Variants in GABRB1 observed in about 807,000 individuals in gnomAD.
The protein encoded by GABRB1 is gamma-aminobutyric acid type A receptor subunit beta1.
A neutral mutation model predicts 51.6 loss-of-function variants in GABRB1; 17 were observed. The observed-to-expected ratio is 0.33, with a 90% CI of 0.23 to 0.49. The LOEUF (loss-of-function observed/expected upper bound fraction) is 0.49, where lower values mean the gene tolerates loss of function less well. GABRB1 is among the 20% of genes least tolerant of loss of function. GABRB1 has a pLI of 0.99. For synonymous variants in GABRB1, 247 were observed against 218.9 expected (o/e 1.13, Z -1.14); for missense variants, 410 against 600.6 (o/e 0.68, Z 3.32).
At chr4:47,019,186 C>T (rs1024192935) in intron 1 of GABRB1, among the ~76,000 whole-genome samples, 5 of 152,040 alleles carry the variant, frequency 3.3e-5, no homozygotes, top group Non-Finnish European at 7.4e-5. Flanking sequence ...ATTGGTTAAT[C>T]TATCAACAAT....
chr4:47,157,778 T>C (rs1232059623), intron 3 of GABRB1, among the ~76,000 whole-genome samples: 1 of 152,104 alleles, frequency 6.6e-6, no homozygotes, highest in African/African-American at 2.4e-5. Context: ...AAAAAGGTTT[T>C]ATTAAGGTTA....
At chr4:47,105,563 C>T (rs1577912659) in intron 3 of GABRB1, among the ~76,000 whole-genome samples, 1 of 152,098 alleles carries the variant, frequency 6.6e-6, no homozygotes, top group Non-Finnish European at 1.5e-5. Context: ...CCTTGACAAC[C>T]AGTGGAGATG....
intron 4 of GABRB1, among the ~76,000 whole-genome samples, chr4:47,272,707 C>T (rs973986445): frequency 3.3e-5 from 5 of 152,148 alleles, no homozygotes; most frequent in African/African-American, 1.2e-4. Flanking sequence ...CTTACAAACA[C>T]TATCCCACTA....
intron 4 of GABRB1, among the ~76,000 whole-genome samples, chr4:47,271,996 T>C (rs1722891417): frequency 2.8e-5 from 1 of 35,648 alleles, no homozygotes; most frequent in Non-Finnish European, 5.3e-5. Flanking sequence ...TAGTTACACA[T>C]TAATAACTTT....
At chr4:47,307,565 C>G (rs1012399123) in intron 4 of GABRB1, among the ~76,000 whole-genome samples, 2 of 151,868 alleles carry the variant, frequency 1.3e-5, no homozygotes, top group Non-Finnish European at 2.9e-5. Flanking sequence ...ACTTATACCT[C>G]CTTCCAAAAA....
intron 8 of GABRB1, among the ~76,000 whole-genome samples, chr4:47,416,657 GGCCA>G (rs1560376951): frequency 6.6e-6 from 1 of 152,052 alleles, no homozygotes; most frequent in East Asian, 1.9e-4. Flanking sequence ...TCGCCATGTT[GGCCA>G]GGCTGGTTTA....
intron 1 of GABRB1, among the ~76,000 whole-genome samples, chr4:47,013,460 G>C (rs1724644150): frequency 6.6e-6 from 1 of 152,116 alleles, no homozygotes; most frequent in South Asian, 2.1e-4. Flanking sequence ...TGCCCGGTCT[G>C]TGCAGACAAT....
At chr4:47,125,555 A>ATTTTTTTTTTTTTT (rs570181191) in intron 3 of GABRB1, among the ~76,000 whole-genome samples, 40 of 20,994 alleles carry the variant, frequency 1.9e-3, no homozygotes, top group Non-Finnish European at 2.0e-3. Flanking sequence ...ACAAAGTATA[A>ATTTTTTTTTTTTTT]TTTCTTTTTT....
intron 4 of GABRB1, among the ~76,000 whole-genome samples, chr4:47,239,069 T>A (rs905310054): frequency 2.0e-5 from 3 of 152,216 alleles, no homozygotes; most frequent in Non-Finnish European, 4.4e-5. Context: ...TGTATTTTTT[T>A]AACTTTTTAA....
At chr4:47,207,236 T>C (rs1315048217) in intron 4 of GABRB1, among the ~76,000 whole-genome samples, 1 of 152,154 alleles carries the variant, frequency 6.6e-6, no homozygotes, top group East Asian at 1.9e-4. Context: ...TTGATGTTAA[T>C]GTAACATTAC....
upstream of GABRB1, among the ~76,000 whole-genome samples, chr4:47,028,551 C>T (rs77934008): frequency 8.2e-3 from 1,242 of 151,576 alleles, 14 homozygotes; most frequent in African/African-American, 0.028. Flanking sequence ...CAGTTTTGAT[C>T]AGCTTTTTGT....
chr4:47,355,283 G>A (rs1307955102), intron 5 of GABRB1, among the ~76,000 whole-genome samples: 1 of 151,780 alleles, frequency 6.6e-6, no homozygotes, highest in East Asian at 1.9e-4. Flanking sequence ...ACATGGCCTA[G>A]TCATATCATC....
chr4:47,120,652 C>G (rs1715735741), intron 3 of GABRB1, among the ~76,000 whole-genome samples: 1 of 152,152 alleles, frequency 6.6e-6, no homozygotes, highest in African/African-American at 2.4e-5. Flanking sequence ...GTTACAGGTA[C>G]TGATTATTCA....
intron 3 of GABRB1, among the ~76,000 whole-genome samples, chr4:47,052,197 G>C (rs1465873113): frequency 6.6e-6 from 1 of 152,188 alleles, no homozygotes; most frequent in Non-Finnish European, 1.5e-5. Flanking sequence ...CCTGTGCCTT[G>C]TAATTGCTGA....
At chr4:47,244,674 C>G (rs967243118) in intron 4 of GABRB1, among the ~76,000 whole-genome samples, 2 of 152,088 alleles carry the variant, frequency 1.3e-5, no homozygotes, top group African/African-American at 4.8e-5. Context: ...CAAACTAGGA[C>G]TCAGAATTAA....
chr4:47,399,396 G>A, intron 5 of GABRB1, among the ~76,000 whole-genome samples: 1 of 152,172 alleles, frequency 6.6e-6, no homozygotes. Flanking sequence ...AGTAGCAATA[G>A]AATTATCAGT....
chr4:47,380,216 T>C (rs1267398543), intron 5 of GABRB1, among the ~76,000 whole-genome samples: 3 of 152,264 alleles, frequency 2.0e-5, no homozygotes, highest in African/African-American at 7.2e-5. Context: ...GTTTATTTTA[T>C]GGAGCATATA....
intron 4 of GABRB1, among the ~76,000 whole-genome samples, chr4:47,219,521 C>T (rs1720689262): frequency 6.6e-6 from 1 of 151,886 alleles, no homozygotes; most frequent in Admixed American, 6.6e-5. Context: ...TTATTTATTA[C>T]ATTTGGGCCA....
chr4:47,246,299 T>TATATATATATATATATATACACAC (rs1329276891), intron 4 of GABRB1, among the ~76,000 whole-genome samples: 2 of 84,140 alleles, frequency 2.4e-5, no homozygotes, highest in African/African-American at 4.7e-5. Flanking sequence ...TATATATATA[T>TATATATATATATATATATACACAC]ACACACACAC....
Sources: allele counts gnomAD v4.1 joint callset (sites outside exome capture counted in the v4.1 genomes callset), GRCh38; gene constraint gnomAD v4.1.1; transcripts MANE v1.5; gene names NCBI Gene and HGNC (gene_info 2026-07-23, HGNC 2026-07-21).